AAK1: variants seen among roughly 807,000 people sequenced by gnomAD.
AAK1 encodes the protein AP2 associated kinase 1.
In AAK1, 37 loss-of-function variants were observed where a neutral mutation model predicts 116.0. That is an observed-to-expected ratio of 0.32 (90% CI 0.25 to 0.42). AAK1 has a LOEUF of 0.42. Among genes scored for constraint, AAK1 ranks in the 10% least tolerant of loss-of-function variants. The pLI is 1.00. For missense variants in AAK1, 919 were observed against 1,170.6 expected (o/e 0.79, Z 3.14); for synonymous variants, 458 against 439.9 (o/e 1.04, Z -0.51).
chr2:69,498,283 T>A (rs1199339180), intron 16 of AAK1, among the ~76,000 whole-genome samples: 1 of 152,178 alleles, frequency 6.6e-6, no homozygotes, highest in East Asian at 1.9e-4. Flanking sequence ...GCTGAGCATG[T>A]GTGGGCATCA....
chr2:69,611,922 T>C (rs1674100823), intron 2 of AAK1, among the ~76,000 whole-genome samples: 1 of 152,218 alleles, frequency 6.6e-6, no homozygotes, highest in African/African-American at 2.4e-5. Context: ...TATGATTCCA[T>C]TTTAGATGAG....
chr2:69,476,863 C>T lies in AAK1; in HGVS notation c.2791+17G>A. ...ACTGAGGCCAAGCTCTTCTCTTTTC[C>T]CCATCCTTTTTCTTACCTTGTGGGT... On this transcript the variant is annotated intron_variant, in intron 21 of 21. Transcript: ENST00000409085. 1 of 1,589,800 alleles carries T rather than the reference C, an allele frequency of 6.3e-7. No homozygotes were observed. The highest frequency in any genetic ancestry group is 8.6e-7 in the Non-Finnish European group (1 of 1,159,796).
rs577714672 is a variant in AAK1 at position 69,492,561 on chromosome 2, C to T, written c.2365+3424G>A. On this transcript the variant is annotated intron_variant, in intron 17 of 21. Coordinates refer to ENST00000409085, the MANE Select transcript of AAK1 (RefSeq NM_014911.5). ...TTTTTGAGATAGAGTCTTGCTCTGT[C>T]GCCCAGGATAGAGTGGAGGAGTGTG... Among the ~76,000 whole-genome samples, 8 of 120,982 alleles carry T rather than the reference C, an allele frequency of 6.6e-5. No individual in the cohort carries two copies. In the East Asian group the frequency reaches 8.3e-4, roughly 13 times the overall value. The allele number at this position is 120,982 out of a possible 152,430, so 79.4% of individuals were successfully genotyped here.
At chr2:69,492,791 T>G (rs1675581806) in intron 17 of AAK1, among the ~76,000 whole-genome samples, 1 of 152,132 alleles carries the variant, frequency 6.6e-6, no homozygotes, top group Non-Finnish European at 1.5e-5. Context: ...CCCAAAGTGC[T>G]GGTATTACAG....
chr2:69,478,893 T>G (rs1480469556), intron 20 of AAK1, 58 bp downstream of exon 20: 12 of 1,376,772 alleles, frequency 8.7e-6, no homozygotes, highest in Non-Finnish European at 1.1e-5. Flanking sequence ...TTTCAAAAGT[T>G]GTTTAGTTCT....
intron 2 of AAK1, among the ~76,000 whole-genome samples, chr2:69,589,823 G>A (rs527739197): frequency 2.6e-5 from 4 of 152,162 alleles, no homozygotes; most frequent in East Asian, 1.9e-4. Context: ...TGCCTTGAGC[G>A]TTCAGGTACA....
chr2:69,498,529 G>A (rs896005391), intron 16 of AAK1, among the ~76,000 whole-genome samples: 3 of 150,568 alleles, frequency 2.0e-5, no homozygotes, highest in Non-Finnish European at 4.4e-5. Context: ...CCCTGCCCCC[G>A]AGAGCCCAGT....
intron 2 of AAK1, among the ~76,000 whole-genome samples, chr2:69,583,666 G>T (rs1672638337): frequency 6.6e-6 from 1 of 152,122 alleles, no homozygotes; most frequent in Non-Finnish European, 1.5e-5. Context: ...TACCCTTAGT[G>T]GGTCCAAAGA....
chr2:69,620,313 T>C (rs923262667), intron 2 of AAK1, among the ~76,000 whole-genome samples: 1 of 152,222 alleles, frequency 6.6e-6, no homozygotes. Context: ...CTCTGGGACC[T>C]TGCTCCATGA....
chr2:69,532,585 T>C (rs1670301180), intron 5 of AAK1, among the ~76,000 whole-genome samples: 1 of 152,194 alleles, frequency 6.6e-6, no homozygotes, highest in Admixed American at 6.5e-5. Context: ...TCAAATGCCA[T>C]GTCCTTTTTG....
At position 69,498,277 on chromosome 2, in the gene AAK1, A is replaced by G. The variant is rs114789213; in HGVS notation, c.2270-2197T>C. Among the ~76,000 whole-genome samples the G allele has an allele frequency of 7.7e-3, 1,178 of 152,004 alleles. 11 individuals carry two copies. Among genetic ancestry groups the G allele is most frequent in the African/African-American group, 0.027 (1,111 of 41,450 alleles). On this transcript the variant is annotated intron_variant, in intron 16 of 21. Coordinates refer to ENST00000409085, the MANE Select transcript of AAK1 (RefSeq NM_014911.5). ...GGCTTGTGGAGGAGTCAAAGTGCTG[A>G]GCATGTGTGGGCATCACTGGCAGCA...
Position 69,467,537 on chromosome 2 carries a change from TATCA to T in AAK1, c.*8328_*8331del. On this transcript the variant is annotated 3_prime_UTR_variant, in exon 22 of 22. Coordinates refer to ENST00000409085, the MANE Select transcript of AAK1 (RefSeq NM_014911.5). Reference sequence around the variant, plus strand: ...GAGAAAGGGTGGTTGGGGGTAAAGGTATCATTTCATCATGGGCTCAGTAAAGAGA... The same window carrying T: ...GAGAAAGGGTGGTTGGGGGTAAAGGTTTTCATCATGGGCTCAGTAAAGAGA... 4 of 985,348 alleles carry T rather than the reference TATCA, an allele frequency of 4.1e-6. No homozygotes were observed. The highest frequency in any genetic ancestry group is 4.8e-6 in the Non-Finnish European group (4 of 829,918). The allele number at this position is 985,348 out of a possible 1,614,324, so 61.0% of individuals were successfully genotyped here. A position where few individuals can be genotyped will look rare whatever the true frequency, so the allele number is the denominator to read the frequency against.
In AAK1 at chr2:69,472,239, T is replaced by A. The variant is rs1241248240; in HGVS notation, c.*3630A>T. The A allele has an allele frequency of 2.3e-6, 2 of 874,160 alleles. No homozygotes were observed. Among genetic ancestry groups the A allele is most frequent in the Non-Finnish European group, 1.4e-6 (1 of 728,678 alleles). 54.2% of individuals were successfully genotyped at this position (874,160 alleles called of 1,614,324 possible). ...TGTCTTCAACAGTAACCACTCTTCATCTTACAGGGTTGAATTTGCTTTCTG... is the reference window on the plus strand; with the variant it reads ...TGTCTTCAACAGTAACCACTCTTCAACTTACAGGGTTGAATTTGCTTTCTG... On this transcript the variant is annotated 3_prime_UTR_variant, in exon 22 of 22. Coordinates refer to ENST00000409085, the MANE Select transcript of AAK1 (RefSeq NM_014911.5).
chr2:69,540,340 C>T (rs1159919557), intron 5 of AAK1, among the ~76,000 whole-genome samples: 2 of 152,068 alleles, frequency 1.3e-5, no homozygotes, highest in Non-Finnish European at 2.9e-5. Flanking sequence ...AGGCTGGTCT[C>T]GAACTCCTGA....
At position 69,474,277 on chromosome 2, in the gene AAK1, G is replaced by A; in HGVS notation, c.*1592C>T. 1.0e-6 allele frequency: 1 copy of A among 985,816 alleles called. No homozygotes were observed. Among genetic ancestry groups the A allele is most frequent in the Non-Finnish European group, 1.2e-6 (1 of 829,912 alleles). The allele number at this position is 985,816 out of a possible 1,614,324, so 61.1% of individuals were successfully genotyped here. A position where few individuals can be genotyped will look rare whatever the true frequency, so the allele number is the denominator to read the frequency against. On this transcript the variant is annotated 3_prime_UTR_variant, in exon 22 of 22. Coordinates refer to ENST00000409085, the MANE Select transcript of AAK1 (RefSeq NM_014911.5). ...ATGGACTTGGAATTTTATTTGTACA[G>A]ATCTGATTAACTAAGAGTTTCCCTT...
Position 69,514,608 on chromosome 2 carries a change from G to C in AAK1, c.1639C>G (p.Leu547Val). ...QQQQQQQQQQ[L>V]ATALHQQQLM... Reference sequence around the variant, plus strand: ...TGTTGTTGATGCAGGGCTGTGGCCAGCTGTTGCTGTTGCTGTTGTTGTTGC... The same window carrying C: ...TGTTGTTGATGCAGGGCTGTGGCCACCTGTTGCTGTTGCTGTTGTTGTTGC... The change falls in exon 13 of 22, where the codon CTG becomes GTG. Residue 547 changes from leucine to valine, a missense_variant. Around this residue, in one of 4 missense-constraint regions of AAK1, gnomAD observed 214 missense variants for 210.6 expected, o/e 1.02. Coordinates refer to ENST00000409085, the MANE Select transcript of AAK1 (RefSeq NM_014911.5). 1 of 1,587,330 alleles carries C rather than the reference G, an allele frequency of 6.3e-7. No homozygotes were observed. Among genetic ancestry groups the C allele is most frequent in the Non-Finnish European group, 8.6e-7 (1 of 1,167,648 alleles).
At chr2:69,525,667 G>A (rs935543152) in intron 9 of AAK1, among the ~76,000 whole-genome samples, 4 of 152,188 alleles carry the variant, frequency 2.6e-5, no homozygotes, top group African/African-American at 9.7e-5. Context: ...GCCAAGGAGA[G>A]TTCCTCTGGC....
chr2:69,496,903 T>G (rs1427229991), intron 16 of AAK1, among the ~76,000 whole-genome samples: 1 of 152,136 alleles, frequency 6.6e-6, no homozygotes, highest in African/African-American at 2.4e-5. Context: ...ATTCCAAGGT[T>G]AGACAAGCCC....
intron 17 of AAK1, among the ~76,000 whole-genome samples, chr2:69,485,709 G>A (rs1675270852): frequency 7.5e-6 from 1 of 133,230 alleles, no homozygotes; most frequent in South Asian, 2.5e-4. Flanking sequence ...GCCCAGGCTG[G>A]AGTGCAATGG....
Sources: allele counts gnomAD v4.1 joint callset (sites outside exome capture counted in the v4.1 genomes callset), GRCh38; gene constraint gnomAD v4.1.1; regional missense constraint gnomAD v4.1.1; transcripts MANE v1.5; gene names NCBI Gene and HGNC (gene_info 2026-07-23, HGNC 2026-07-21).